Variants in PTPRD observed in about 807,000 individuals in gnomAD.
The protein encoded by PTPRD is receptor-type tyrosine-protein phosphatase delta.
A neutral mutation model predicts 214.5 loss-of-function variants in PTPRD; 34 were observed. That is an observed-to-expected ratio of 0.16 (90% confidence interval 0.12 to 0.21). The LOEUF is 0.21. PTPRD is among the 10% of genes least tolerant of loss of function. The pLI, the probability that PTPRD is intolerant of heterozygous loss-of-function variation, is 1.00. For synonymous variants in PTPRD, 1,128 were observed against 845.7 expected, an observed-to-expected ratio of 1.33 and a Z score of -5.79; for missense variants, 2,545 against 2,398.7, an observed-to-expected ratio of 1.06 and a Z score of -1.27.
At chr9:9,676,601 C>T (rs567221400) in intron 7 of PTPRD, among the ~76,000 whole-genome samples, 1 of 152,184 alleles carries the variant, frequency 6.6e-6, no homozygotes, top group South Asian at 2.1e-4. Flanking sequence ...GTGCATGTGT[C>T]TTTATAGCAT....
At chr9:10,209,342 G>C (rs890378772) in intron 3 of PTPRD, among the ~76,000 whole-genome samples, 8 of 152,042 alleles carry the variant, frequency 5.3e-5, no homozygotes, top group African/African-American at 1.7e-4. Flanking sequence ...AATTTAAATG[G>C]CTTCTTATAA....
intron 11 of PTPRD, among the ~76,000 whole-genome samples, chr9:8,919,290 G>A (rs1470196589): frequency 1.3e-5 from 2 of 151,854 alleles, no homozygotes; most frequent in Non-Finnish European, 2.9e-5. Flanking sequence ...TGACTAGGGA[G>A]GCTGAGGCAG....
At chr9:9,322,540 A>C (rs7036700) in intron 9 of PTPRD, among the ~76,000 whole-genome samples, 1 of 151,968 alleles carries the variant, frequency 6.6e-6, no homozygotes, top group Non-Finnish European at 1.5e-5. Context: ...GTAATAGACC[A>C]TTTTGGTATT....
intron 7 of PTPRD, among the ~76,000 whole-genome samples, chr9:9,696,490 G>A (rs146888604): frequency 6.6e-6 from 1 of 152,120 alleles, no homozygotes; most frequent in East Asian, 1.9e-4. Flanking sequence ...CTCCTGTTTT[G>A]TGTGCATAGA....
At chr9:8,548,569 T>A (rs1357624885) in intron 14 of PTPRD, among the ~76,000 whole-genome samples, 7 of 151,550 alleles carry the variant, frequency 4.6e-5, no homozygotes, top group African/African-American at 1.5e-4. Context: ...GGTTTCGCCA[T>A]GTTGGCTAGG....
intron 2 of PTPRD, among the ~76,000 whole-genome samples, chr9:10,490,450 G>C (rs188811803): frequency 1.6e-4 from 25 of 152,212 alleles, no homozygotes; most frequent in African/African-American, 5.8e-4. Flanking sequence ...CTTGGAATTT[G>C]CAGTAACCAT....
intron 3 of PTPRD, among the ~76,000 whole-genome samples, chr9:10,035,949 C>A (rs1277649793): frequency 6.6e-6 from 1 of 151,924 alleles, no homozygotes; most frequent in Non-Finnish European, 1.5e-5. Flanking sequence ...GTGTTTAAAA[C>A]TTAGGAGGAC....
intron 10 of PTPRD, among the ~76,000 whole-genome samples, chr9:9,030,422 A>G (rs552466497): frequency 6.6e-5 from 10 of 151,516 alleles, no homozygotes; most frequent in Non-Finnish European, 7.4e-5. Flanking sequence ...TGCGTCCTCA[A>G]TCAACACTTA....
At chr9:8,659,855 G>A (rs2096996710) in intron 12 of PTPRD, among the ~76,000 whole-genome samples, 1 of 152,126 alleles carries the variant, frequency 6.6e-6, no homozygotes, top group South Asian at 2.1e-4. Context: ...CTTCAATGAT[G>A]ATATTTGATC....
At chr9:10,119,735 T>C (rs750236168) in intron 3 of PTPRD, among the ~76,000 whole-genome samples, 5 of 151,998 alleles carry the variant, frequency 3.3e-5, no homozygotes, top group African/African-American at 4.8e-5. Flanking sequence ...GAAATCATCG[T>C]CTTCTGTTAG....
chr9:8,735,752 A>T (rs1047978255), intron 11 of PTPRD, among the ~76,000 whole-genome samples: 2 of 151,918 alleles, frequency 1.3e-5, no homozygotes, highest in Non-Finnish European at 2.9e-5. Context: ...TCTACTAAAA[A>T]CACAAAAAAA....
At chr9:9,895,932 G>A (rs2074841342) in intron 5 of PTPRD, among the ~76,000 whole-genome samples, 1 of 151,866 alleles carries the variant, frequency 6.6e-6, no homozygotes, top group East Asian at 1.9e-4. Context: ...CTTTCTTGAG[G>A]TTATATGGCA....
intron 7 of PTPRD, among the ~76,000 whole-genome samples, chr9:9,707,754 G>C (rs989208764): frequency 6.6e-6 from 1 of 151,792 alleles, no homozygotes; most frequent in Non-Finnish European, 1.5e-5. Flanking sequence ...TCTTATTTTT[G>C]ATGATAGAGT....
chr9:9,336,486 G>C (rs1165720274), intron 9 of PTPRD, among the ~76,000 whole-genome samples: 1 of 152,074 alleles, frequency 6.6e-6, no homozygotes, highest in African/African-American at 2.4e-5. Context: ...TGGCTACATA[G>C]TTCTTTACTC....
At chr9:9,479,437 C>G (rs1283327775) in intron 8 of PTPRD, among the ~76,000 whole-genome samples, 1 of 151,820 alleles carries the variant, frequency 6.6e-6, no homozygotes, top group Non-Finnish European at 1.5e-5. Context: ...CCAATAATAA[C>G]AGTTACCAGT....
chr9:8,648,490 C>T (rs2096740842), intron 12 of PTPRD, among the ~76,000 whole-genome samples: 1 of 152,186 alleles, frequency 6.6e-6, no homozygotes, highest in Non-Finnish European at 1.5e-5. Flanking sequence ...ATTCCTTATG[C>T]CATAGTCATG....
chr9:9,964,087 G>C (rs1230457875), intron 4 of PTPRD, among the ~76,000 whole-genome samples: 1 of 152,106 alleles, frequency 6.6e-6, no homozygotes, highest in Non-Finnish European at 1.5e-5. Flanking sequence ...GACGGAGGCA[G>C]AGACAGACAA....
intron 7 of PTPRD, among the ~76,000 whole-genome samples, chr9:9,588,236 T>C (rs976123132): frequency 2.6e-5 from 4 of 151,806 alleles, no homozygotes; most frequent in Non-Finnish European, 5.9e-5. Flanking sequence ...CTCAGCAGAA[T>C]TGGAAGACAG....
At chr9:9,063,358 T>C (rs2099711200) in intron 10 of PTPRD, among the ~76,000 whole-genome samples, 1 of 152,170 alleles carries the variant, frequency 6.6e-6, no homozygotes, top group African/African-American at 2.4e-5. Context: ...AATGATGATT[T>C]AGAAGTTAAA....
Sources: gnomAD v4.1 joint callset for allele counts (sites outside exome capture counted in the v4.1 genomes callset) on GRCh38, gnomAD v4.1.1 for gene constraint, MANE v1.5 for transcripts, NCBI Gene and HGNC (gene_info 2026-07-23, HGNC 2026-07-21) for gene names.